The following PCDHA2 variants were observed in gnomAD, a reference collection of about 807,000 sequenced individuals.
The protein encoded by PCDHA2 is protocadherin alpha 2.
A neutral mutation model predicts 66.0 loss-of-function variants in PCDHA2; 58 were observed. That is an observed-to-expected ratio of 0.88 (90% CI 0.71 to 1.09). PCDHA2 has a LOEUF of 1.09. Among genes scored for constraint, PCDHA2 ranks in the 50% least tolerant of loss-of-function variants. The pLI is 0.00. For synonymous variants in PCDHA2, 634 were observed against 554.0 expected (o/e 1.14, Z -2.03); for missense variants, 1,267 against 1,242.3 (o/e 1.02, Z -0.30).
chr5:140,802,978 T>G (rs1353160652), intron 1 of PCDHA2: 1 of 1,613,862 alleles, frequency 6.2e-7, no homozygotes, highest in Non-Finnish European at 8.5e-7. Context: ...GTAGCGAAGG[T>G]GCGCGCAGTG....
chr5:140,849,298 A>T lies in PCDHA2; in HGVS notation c.2388+51946A>T, dbSNP rs1182153594. 25 of 1,269,106 alleles carry T rather than the reference A, an allele frequency of 2.0e-5. No individual in the cohort carries two copies. The highest frequency in any genetic ancestry group is 2.6e-5 in the Non-Finnish European group (24 of 927,200). 78.6% of individuals were successfully genotyped at this position (1,269,106 alleles called of 1,614,324 possible). On this transcript the variant is annotated intron_variant, in intron 1 of 3. Transcript: ENST00000526136. ...CTGGTGATTCACCCCAATGCCTCAG[A>T]TTTAGACGAAGGCTTGAATGGGGAT... is the stretch of plus-strand genomic sequence containing the variant.
chr5:140,825,805 C>T (rs2150141367), intron 1 of PCDHA2: 2 of 152,324 alleles, frequency 1.3e-5, no homozygotes, highest in East Asian at 3.9e-4. Flanking sequence ...AATTTTACTG[C>T]TTGTTGTTAC....
At position 140,857,227 on chromosome 5, in the gene PCDHA2, G is replaced by T. The variant is rs148283153; in HGVS notation, c.2388+59875G>T. On this transcript the variant is annotated intron_variant, in intron 1 of 3. Transcript: ENST00000526136. ...CCTGCTCTCTGACGCCTCACGTTCC[G>T]TTCAAGCTGGTGTCCACCTACAAGA... is the stretch of plus-strand genomic sequence containing the variant. The T allele has an allele frequency of 7.5e-6, 12 of 1,598,330 alleles. No homozygotes were observed. In the African/African-American group the frequency reaches 1.5e-4, roughly 20 times the overall value.
At chr5:140,968,776 A>G (rs1346540500) in intron 1 of PCDHA2, 4 of 1,614,082 alleles carry the variant, frequency 2.5e-6, no homozygotes, top group Admixed American at 3.3e-5. Context: ...AGCCATCACT[A>G]TCAGCCTCTG....
chr5:140,824,618 T>TTTTTTTTTG (rs1562279613), intron 1 of PCDHA2: 3 of 128,814 alleles, frequency 2.3e-5, no homozygotes, highest in African/African-American at 7.0e-5. Context: ...AAGTTTTTTT[T>TTTTTTTTTG]TTTTTTTTTT....
At chr5:140,870,389 G>A (rs1262225558) in intron 1 of PCDHA2, 1 of 1,614,132 alleles carries the variant, frequency 6.2e-7, no homozygotes, top group Non-Finnish European at 8.5e-7. Context: ...GCGCGGGATG[G>A]GGGTTCGCCT....
At position 140,828,424 on chromosome 5, in the gene PCDHA2, C is replaced by A. The variant is rs138737999; in HGVS notation, c.2388+31072C>A. The A allele has an allele frequency of 3.3e-5, 54 of 1,614,244 alleles. 1 individual carries two copies. The East Asian group carries it at 6.9e-4, about 21-fold the overall frequency. On this transcript the variant is annotated intron_variant, in intron 1 of 3. Transcript: ENST00000526136. The stretch of plus-strand genomic sequence containing the variant: ...GCATCCACCTGGAGGTGATCGTGGA[C>A]AGGCCGCTGCAGGTTTTCCATGTGG...
intron 1 of PCDHA2, among the ~76,000 whole-genome samples, chr5:140,962,051 T>C (rs1352018533): frequency 2.0e-5 from 3 of 151,838 alleles, no homozygotes; most frequent in Admixed American, 6.6e-5. Context: ...GCCTGGCTAA[T>C]TTTTTTGTAT....
At chr5:140,839,916 A>G (rs2150301736) in intron 1 of PCDHA2, among the ~76,000 whole-genome samples, 33 of 151,970 alleles carry the variant, frequency 2.2e-4, no homozygotes, top group African/African-American at 7.5e-4. Context: ...TAGAAGAAAA[A>G]CCTTGAACAA....
intron 1 of PCDHA2, chr5:140,883,195 T>A (rs781816525): frequency 6.2e-7 from 1 of 1,613,786 alleles, no homozygotes; most frequent in Non-Finnish European, 8.5e-7. Context: ...GCAAACTAGA[T>A]TTCGAAGAAA....
intron 1 of PCDHA2, chr5:140,847,818 C>T (rs1781197996): frequency 1.3e-5 from 2 of 149,818 alleles, no homozygotes; most frequent in African/African-American, 2.4e-5. Flanking sequence ...CATAGAATTA[C>T]TCAAGAAAAC....
At chr5:140,829,361 G>C in intron 1 of PCDHA2, 1 of 1,614,230 alleles carries the variant, frequency 6.2e-7, no homozygotes, top group Middle Eastern at 1.7e-4. Flanking sequence ...CTATGAGTTG[G>C]TGGTAACCGC....
chr5:140,902,526 T>C (rs1388582391), intron 1 of PCDHA2, among the ~76,000 whole-genome samples: 1 of 152,140 alleles, frequency 6.6e-6, no homozygotes, highest in African/African-American at 2.4e-5. Flanking sequence ...GTTTTTATTA[T>C]GTTGAGGTAT....
At chr5:140,812,889 T>A (rs2150031351) in intron 1 of PCDHA2, 1 of 152,262 alleles carries the variant, frequency 6.6e-6, no homozygotes, top group East Asian at 1.9e-4. Flanking sequence ...TCAAATGAAA[T>A]TTTGAACAGA....
At chr5:140,856,360 C>T (rs2043951808) in intron 1 of PCDHA2, 2 of 1,598,438 alleles carry the variant, frequency 1.3e-6, no homozygotes, top group Admixed American at 1.7e-5. Context: ...GCAGCATCCA[C>T]CTGGAGGTGA....
chr5:141,010,398 G>C lies in PCDHA2; in HGVS notation c.*461G>C. The C allele has an allele frequency of 7.6e-7, 1 of 1,323,994 alleles. No individual in the cohort carries two copies. Among genetic ancestry groups the C allele is most frequent in the South Asian group, 1.5e-5 (1 of 66,476 alleles). 82.0% of individuals were successfully genotyped at this position (1,323,994 alleles called of 1,614,324 possible). A position where few individuals can be genotyped will look rare whatever the true frequency, so the allele number is the denominator to read the frequency against. ...GCCAGATATTGGCTGAGACGAGCCA[G>C]CTTAGACTAATTGGTACAAGGAAGG... On this transcript the variant is annotated 3_prime_UTR_variant, in exon 4 of 4. Transcript: ENST00000526136.
Position 140,876,717 on chromosome 5 carries a change from C to T in PCDHA2, c.2388+79365C>T, listed in dbSNP as rs377702421. ...TGGTGCTGGACAGCGCCCTGGACCG[C>T]GAGAGCGTGTCGGCCTATGAGCTGG... On this transcript the variant is annotated intron_variant, in intron 1 of 3. Coordinates refer to ENST00000526136, the MANE Select transcript of PCDHA2 (RefSeq NM_018905.3). The T allele has an allele frequency of 3.7e-6, 6 of 1,614,118 alleles. No homozygotes were observed. The African/African-American group carries it at 5.3e-5, about 14-fold the overall frequency.
At chr5:140,911,449 C>G (rs1554194734) in intron 1 of PCDHA2, among the ~76,000 whole-genome samples, 1 of 152,116 alleles carries the variant, frequency 6.6e-6, no homozygotes, top group Non-Finnish European at 1.5e-5. Context: ...AATTTCAGCT[C>G]TTTCTCTACA....
At position 141,010,334 on chromosome 5, in the gene PCDHA2, T is replaced by C; in HGVS notation, c.*397T>C. On this transcript the variant is annotated 3_prime_UTR_variant, in exon 4 of 4. Transcript: ENST00000526136. The stretch of plus-strand genomic sequence containing the variant: ...TGAGATTGAGCAGCTTGGGAGTTTG[T>C]GGCCACTGGGTATGTGTGGCTACCG... The C allele has an allele frequency of 2.0e-6, 3 of 1,537,004 alleles. No homozygotes were observed. The East Asian group carries it at 7.4e-5, about 38-fold the overall frequency.
Sources: allele counts gnomAD v4.1 joint callset (sites outside exome capture counted in the v4.1 genomes callset), GRCh38; gene constraint gnomAD v4.1.1; transcripts MANE v1.5; gene names NCBI Gene and HGNC (gene_info 2026-07-23, HGNC 2026-07-21).